TMEM135: variants seen among roughly 807,000 people sequenced by gnomAD.
TMEM135 encodes the protein transmembrane protein 135, also known as peroxisomal membrane protein 52.
In TMEM135, 30 loss-of-function variants were observed where a neutral mutation model predicts 60.3. The observed-to-expected ratio is 0.50, with a 90% CI of 0.37 to 0.68. TMEM135 has a LOEUF of 0.68. Ranked by LOEUF, TMEM135 falls within the 30% of genes least tolerant of loss-of-function variation. The probability of loss-of-function intolerance (pLI) is 0.00; values close to 1 mark genes in which losing one functional copy is unlikely to be tolerated. For synonymous variants in TMEM135, 190 were observed against 186.7 expected (o/e 1.02, Z -0.14); for missense variants, 468 against 548.8 (o/e 0.85, Z 1.47).
At chr11:87,230,056 T>G (rs1940858278) in intron 5 of TMEM135, among the ~76,000 whole-genome samples, 1 of 151,974 alleles carries the variant, frequency 6.6e-6, no homozygotes, top group Non-Finnish European at 1.5e-5. Flanking sequence ...CCTTTTCATT[T>G]CCCCCAAAGA....
At chr11:87,184,641 T>A (rs1285333455) in intron 5 of TMEM135, among the ~76,000 whole-genome samples, 2 of 152,130 alleles carry the variant, frequency 1.3e-5, no homozygotes, top group African/African-American at 4.8e-5. Context: ...CCTCTTTTTT[T>A]CCCTTAAATA....
intron 6 of TMEM135, among the ~76,000 whole-genome samples, chr11:87,237,616 G>C (rs1299189748): frequency 6.6e-6 from 1 of 151,850 alleles, no homozygotes; most frequent in Non-Finnish European, 1.5e-5. Flanking sequence ...TTGTACATGA[G>C]ATGTTTTGAT....
At chr11:87,057,817 T>TGTG (rs34314691) in intron 1 of TMEM135, among the ~76,000 whole-genome samples, 28,818 of 149,202 alleles carry the variant, frequency 0.19, 3,144 homozygotes, top group East Asian at 0.47. Context: ...GTGTGTGTGT[T>TGTG]TGTGTGTGTG....
At chr11:87,172,496 AT>A (rs150436187) in intron 5 of TMEM135, among the ~76,000 whole-genome samples, 14,948 of 151,332 alleles carry the variant, frequency 0.099, 778 homozygotes, top group African/African-American at 0.12. Context: ...ATTAGAATGG[AT>A]TTTTTTTAAA....
Position 87,258,759 on chromosome 11 carries a change from G to A in TMEM135, c.509+22075G>A, listed in dbSNP as rs1340046375. 4 of 434,224 alleles carry A rather than the reference G, an allele frequency of 9.2e-6. No individual in the cohort carries two copies. The East Asian group carries it at 1.3e-4, about 14-fold the overall frequency. 26.9% of individuals were successfully genotyped at this position (434,224 alleles called of 1,614,324 possible). A position where few individuals can be genotyped will look rare whatever the true frequency, so the allele number is the denominator to read the frequency against. ...GGTTTAGATGGATCAATGTGCCAAAGTTAAAAAAAAATCCAAATAATCAGC... is the reference window on the plus strand; with the variant it reads ...GGTTTAGATGGATCAATGTGCCAAAATTAAAAAAAAATCCAAATAATCAGC... On this transcript the variant is annotated intron_variant, in intron 6 of 14. Coordinates refer to ENST00000305494, the MANE Select transcript of TMEM135 (RefSeq NM_022918.4).
chr11:87,155,472 G>C (rs1459673998), intron 4 of TMEM135, among the ~76,000 whole-genome samples: 3 of 152,180 alleles, frequency 2.0e-5, no homozygotes, highest in Non-Finnish European at 2.9e-5. Flanking sequence ...AGAGGTAAAG[G>C]TCTAACTTCA....
At chr11:87,088,296 C>T (rs773380316) in intron 3 of TMEM135, among the ~76,000 whole-genome samples, 15 of 152,144 alleles carry the variant, frequency 9.9e-5, no homozygotes, top group Non-Finnish European at 2.2e-4. Context: ...CACACCCTTC[C>T]AGTCAAAGCC....
chr11:87,314,031 T>C (rs1343446493), intron 11 of TMEM135, among the ~76,000 whole-genome samples: 3 of 151,822 alleles, frequency 2.0e-5, no homozygotes, highest in African/African-American at 4.8e-5. Context: ...TGGTTTTCCA[T>C]TTATATAATG....
intron 6 of TMEM135, among the ~76,000 whole-genome samples, chr11:87,264,298 GTTCTTT>G (rs1941709002): frequency 7.4e-6 from 1 of 134,592 alleles, no homozygotes. Flanking sequence ...TTTCTTTTCT[GTTCTTT>G]TTCTTTTCTT....
chr11:87,055,389 C>G (rs551299349), intron 1 of TMEM135, among the ~76,000 whole-genome samples: 3 of 152,332 alleles, frequency 2.0e-5, no homozygotes, highest in Admixed American at 6.5e-5. Context: ...GAAAAGTTAA[C>G]TGCCTACAAA....
At chr11:87,321,118 C>T in intron 14 of TMEM135, 83 bp from the exon 15 acceptor site, 8 of 1,287,616 alleles carry the variant, frequency 6.2e-6, no homozygotes, top group Non-Finnish European at 7.5e-6. Flanking sequence ...TTTCCCATCC[C>T]ACATAAGATA....
intron 5 of TMEM135, among the ~76,000 whole-genome samples, chr11:87,202,306 G>A (rs1037252205): frequency 1.1e-4 from 17 of 152,118 alleles, no homozygotes; most frequent in African/African-American, 3.4e-4. Context: ...GATTACAGGC[G>A]TAAGCCGCCA....
intron 5 of TMEM135, among the ~76,000 whole-genome samples, chr11:87,216,151 A>G (rs1041290251): frequency 3.9e-5 from 6 of 152,236 alleles, no homozygotes; most frequent in Admixed American, 3.9e-4. Context: ...TGGCATTATA[A>G]GTAGTTTCAG....
intron 6 of TMEM135, among the ~76,000 whole-genome samples, chr11:87,257,957 A>G (rs1941562255): frequency 1.3e-5 from 2 of 152,186 alleles, no homozygotes; most frequent in South Asian, 2.1e-4. Context: ...ATTGCCAGAT[A>G]CAAACTGACC....
At chr11:87,075,132 AATTTTTT>A (rs1435017952) in intron 3 of TMEM135, among the ~76,000 whole-genome samples, 8 of 151,898 alleles carry the variant, frequency 5.3e-5, no homozygotes, top group Admixed American at 3.9e-4. Context: ...ATGCTCAGCT[AATTTTTT>A]ATTTTTTATT....
At chr11:87,255,985 T>G (rs745649559) in intron 6 of TMEM135, among the ~76,000 whole-genome samples, 3 of 152,196 alleles carry the variant, frequency 2.0e-5, no homozygotes, top group Non-Finnish European at 2.9e-5. Context: ...GGGAATAACT[T>G]TTTAACTTTA....
At chr11:87,072,007 G>T (rs717723) in intron 3 of TMEM135, among the ~76,000 whole-genome samples, 1 of 151,700 alleles carries the variant, frequency 6.6e-6, no homozygotes, top group Non-Finnish European at 1.5e-5. Flanking sequence ...GCCAGCATTG[G>T]AAAACCCTGT....
intron 5 of TMEM135, among the ~76,000 whole-genome samples, chr11:87,200,660 G>C (rs753179663): frequency 7.2e-5 from 11 of 152,036 alleles, no homozygotes; most frequent in Non-Finnish European, 1.5e-4. Flanking sequence ...ATTCACTCTT[G>C]GTATTGTATC....
chr11:87,178,652 C>G, intron 5 of TMEM135: 1 of 375,640 alleles, frequency 2.7e-6, no homozygotes, highest in East Asian at 7.3e-5. Flanking sequence ...TCTTGAACTC[C>G]TGACCTCAAG....
Sources: allele counts gnomAD v4.1 joint callset (sites outside exome capture counted in the v4.1 genomes callset), GRCh38; gene constraint gnomAD v4.1.1; transcripts MANE v1.5; gene names NCBI Gene and HGNC (gene_info 2026-07-23, HGNC 2026-07-21).